Variants in ST6GAL1 observed in about 807,000 individuals in gnomAD.
The protein encoded by ST6GAL1 is beta-galactoside alpha-2,6-sialyltransferase 1.
ST6GAL1 carries 20 observed loss-of-function variants against 38.0 expected under a neutral mutation model. That is an observed-to-expected ratio of 0.53 (90% confidence interval 0.37 to 0.77). The LOEUF (loss-of-function observed/expected upper bound fraction) is 0.77. Ranked by LOEUF, ST6GAL1 falls within the 30% of genes least tolerant of loss-of-function variation. The pLI is 0.00. For synonymous variants in ST6GAL1, 196 were observed against 188.2 expected (o/e 1.04, Z -0.34); for missense variants, 432 against 496.4 (o/e 0.87, Z 1.23).
intron 2 of ST6GAL1, among the ~76,000 whole-genome samples, chr3:186,999,451 G>T (rs1332914536): frequency 6.9e-6 from 1 of 145,580 alleles, no homozygotes; most frequent in South Asian, 2.1e-4. Flanking sequence ...TCACTCCGTA[G>T]CCCAGACTGG....
chr3:186,945,113 GT>G (rs1714310376), intron 1 of ST6GAL1, among the ~76,000 whole-genome samples: 1 of 152,104 alleles, frequency 6.6e-6, no homozygotes, highest in Admixed American at 6.5e-5. Context: ...GAGGCCAGAA[GT>G]TTGAGACCAG....
chr3:187,072,429 A>T, intron 5 of ST6GAL1: 1 of 254,066 alleles, frequency 3.9e-6, no homozygotes, highest in South Asian at 5.0e-5. Context: ...CTCCATCAGG[A>T]TGTGTATGTA....
chr3:187,005,269 C>CTTTTTTTTTTTTTTTTTT (rs58085172), intron 2 of ST6GAL1, among the ~76,000 whole-genome samples: 2 of 103,938 alleles, frequency 1.9e-5, no homozygotes, highest in Non-Finnish European at 4.0e-5. Context: ...TTTTCTTTTT[C>CTTTTTTTTTTTTTTTTTT]TTTTTTTTTT....
intron 3 of ST6GAL1, chr3:187,042,105 A>T (rs963918841): frequency 6.5e-6 from 1 of 152,718 alleles, no homozygotes; most frequent in Non-Finnish European, 1.5e-5. Flanking sequence ...CTATGGCATC[A>T]TCTATAACGA....
intron 5 of ST6GAL1, among the ~76,000 whole-genome samples, chr3:187,066,588 ATGTG>A (rs1719141084): frequency 7.6e-6 from 1 of 131,304 alleles, no homozygotes; most frequent in East Asian, 2.3e-4. Context: ...ATATCTGAAG[ATGTG>A]CGTGCGTGCG....
At position 187,040,463 on chromosome 3, in the gene ST6GAL1, G is replaced by A. The variant is rs575662769; in HGVS notation, c.-51+1590G>A. On this transcript the variant is annotated intron_variant, in intron 3 of 7. Transcript: ENST00000169298. ...GAACTTTTAGAGTCAGACAGACCTG[G>A]GCTGGAATTCTGGTTCTAGAACTGA... Among the ~76,000 whole-genome samples the A allele has an allele frequency of 3.3e-5, 5 of 152,322 alleles. No individual in the cohort carries two copies. In the South Asian group the frequency reaches 1.0e-3, roughly 32 times the overall value.
chr3:186,978,173 T>C (rs1715579748), intron 2 of ST6GAL1, among the ~76,000 whole-genome samples: 1 of 152,152 alleles, frequency 6.6e-6, no homozygotes, highest in Non-Finnish European at 1.5e-5. Context: ...ATCATGCCAC[T>C]GCACTCCAGC....
chr3:186,971,419 T>C (rs944167904), intron 2 of ST6GAL1, among the ~76,000 whole-genome samples: 1 of 152,222 alleles, frequency 6.6e-6, no homozygotes, highest in Admixed American at 6.5e-5. Flanking sequence ...TTTTAATAGA[T>C]GTGTAGTGAT....
intron 2 of ST6GAL1, among the ~76,000 whole-genome samples, chr3:187,030,386 A>G (rs776929769): frequency 6.6e-6 from 1 of 152,190 alleles, no homozygotes; most frequent in African/African-American, 2.4e-5. Flanking sequence ...ATCTGAGTCT[A>G]TGTGGCTCCA....
intron 2 of ST6GAL1, among the ~76,000 whole-genome samples, chr3:186,995,527 T>A (rs138063578): frequency 0.15 from 16,437 of 111,160 alleles, 1,515 homozygotes; most frequent in African/African-American, 0.22. Context: ...AATAATAAAA[T>A]AAAAAAAAAA....
At chr3:187,048,160 G>A (rs1225682670) in intron 4 of ST6GAL1, among the ~76,000 whole-genome samples, 5 of 152,000 alleles carry the variant, frequency 3.3e-5, no homozygotes, top group South Asian at 2.1e-4. Context: ...AGCCAGGATG[G>A]TCTCGATCTC....
intron 5 of ST6GAL1, among the ~76,000 whole-genome samples, chr3:187,056,903 A>G (rs1718721607): frequency 6.6e-6 from 1 of 152,188 alleles, no homozygotes; most frequent in South Asian, 2.1e-4. Flanking sequence ...GTGTTTTCCA[A>G]CTTGGATCCA....
chr3:186,971,255 A>C lies in ST6GAL1; in HGVS notation c.-183+7329A>C, dbSNP rs554745968. On this transcript the variant is annotated intron_variant, in intron 2 of 7. Coordinates refer to ENST00000169298, the MANE Select transcript of ST6GAL1 (RefSeq NM_173216.2). ...AGGTGTGCGCCACCATGCCTGGCTA[A>C]TTTTTTTGTATCTTTAGTAGAGACG... Among the ~76,000 whole-genome samples, 5 of 152,188 alleles carry C rather than the reference A, an allele frequency of 3.3e-5. No homozygotes were observed. In the East Asian group the frequency reaches 9.6e-4, roughly 29 times the overall value.
rs1719562648 is a variant in ST6GAL1, at chr3:187,076,406, A to C, written c.*603A>C. Reference sequence around the variant, plus strand: ...CCTTAGACTGGGTGCTTATGATTAAAGGGTCTTGGTTAGCCCACTTTCCCT... The same window carrying C: ...CCTTAGACTGGGTGCTTATGATTAACGGGTCTTGGTTAGCCCACTTTCCCT... On this transcript the variant is annotated 3_prime_UTR_variant, in exon 8 of 8. Transcript: ENST00000169298. 6.3e-6 allele frequency: 1 copy of C among 159,614 alleles called. No homozygotes were observed. The highest frequency in any genetic ancestry group is 2.4e-5 in the African/African-American group (1 of 41,658). The allele number at this position is 159,614 out of a possible 1,614,324, so 9.9% of individuals were successfully genotyped here.
chr3:186,950,047 A>G (rs990017634), intron 1 of ST6GAL1, among the ~76,000 whole-genome samples: 1 of 152,156 alleles, frequency 6.6e-6, no homozygotes, highest in African/African-American at 2.4e-5. Flanking sequence ...TCCCTGGAGG[A>G]GCTCTCCATC....
In ST6GAL1 at chr3:187,028,950, G is replaced by T. The variant is rs114009167; in HGVS notation, c.-182-9792G>T. ...TTTCATAGGTGGTTAGCAGGGCGTG[G>T]TGGTGCACGCCTGTGATCCCAGCTA... On this transcript the variant is annotated intron_variant, in intron 2 of 7. Transcript: ENST00000169298. Among the ~76,000 whole-genome samples, 558 of 152,146 alleles carry T rather than the reference G, an allele frequency of 3.7e-3. 2 individuals carry two copies. The highest frequency in any genetic ancestry group is 0.013 in the African/African-American group (539 of 41,500).
Position 186,968,213 on chromosome 3 carries a change from C to T in ST6GAL1, c.-183+4287C>T, listed in dbSNP as rs181497134. Among the ~76,000 whole-genome samples the T allele has an allele frequency of 7.7e-4, 117 of 152,244 alleles. 1 individual carries two copies. Among genetic ancestry groups the T allele is most frequent in the African/African-American group, 2.6e-3 (109 of 41,528 alleles). ...ACCTGACCATAGCTGCATGACCTCC[C>T]GGCTTTCTGATCCAGTTTCATCATC... is the stretch of plus-strand genomic sequence containing the variant. On this transcript the variant is annotated intron_variant, in intron 2 of 7. Coordinates refer to ENST00000169298, the MANE Select transcript of ST6GAL1 (RefSeq NM_173216.2).
intron 4 of ST6GAL1, among the ~76,000 whole-genome samples, chr3:187,048,161 T>C (rs1435247776): frequency 1.6e-4 from 24 of 152,164 alleles, no homozygotes; most frequent in Admixed American, 1.6e-3. Flanking sequence ...GCCAGGATGG[T>C]CTCGATCTCC....
chr3:187,048,922 G>A (rs1319158233), intron 4 of ST6GAL1, among the ~76,000 whole-genome samples: 2 of 107,138 alleles, frequency 1.9e-5, no homozygotes, highest in African/African-American at 7.8e-5. Flanking sequence ...AATGAGTCTT[G>A]TTCTGTTGCC....
Sources: allele counts gnomAD v4.1 joint callset (sites outside exome capture counted in the v4.1 genomes callset), GRCh38; gene constraint gnomAD v4.1.1; transcripts MANE v1.5; gene names NCBI Gene and HGNC (gene_info 2026-07-23, HGNC 2026-07-21).